Variants in CAND2 observed in about 807,000 individuals in gnomAD.
CAND2 encodes the protein cullin-associated NEDD8-dissociated protein 2.
Under a neutral mutation model 98.9 loss-of-function variants are expected in CAND2, and 62 were observed. That is an observed-to-expected ratio of 0.63 (90% confidence interval 0.51 to 0.77). The LOEUF is 0.77. Ranked by LOEUF, CAND2 falls within the 30% of genes least tolerant of loss-of-function variation. The pLI, the probability that CAND2 is intolerant of heterozygous loss-of-function variation, is 0.00. For synonymous variants in CAND2, 770 were observed against 731.9 expected (o/e 1.05, Z -0.84); for missense variants, 1,501 against 1,655.2 (o/e 0.91, Z 1.62).
In CAND2 at chr3:12,833,785, G is replaced by A; in HGVS notation, c.3514G>A (p.Glu1172Lys). 1 of 1,614,152 alleles carries A rather than the reference G, an allele frequency of 6.2e-7. No individual in the cohort carries two copies. Among genetic ancestry groups the A allele is most frequent in the South Asian group, 1.1e-5 (1 of 91,084 alleles). Residue 1172 changes from glutamate (E) to lysine (K), a missense_variant, in exon 15 of 15, where the codon GAA becomes AAA. Transcript: ENST00000456430. ...VKAGSVKQEF[E>K]KQDELKRSAM... ...AGCTGGTTCTGTGAAGCAGGAGTTTGAAAAGCAAGATGAACTGAAGCGCTC... is the reference window on the plus strand; with the variant it reads ...AGCTGGTTCTGTGAAGCAGGAGTTTAAAAAGCAAGATGAACTGAAGCGCTC...
At chr3:12,818,587 T>C (rs1559555070) in intron 10 of CAND2, among the ~76,000 whole-genome samples, 1 of 152,216 alleles carries the variant, frequency 6.6e-6, no homozygotes, top group Non-Finnish European at 1.5e-5. Context: ...ATCAGGCTCC[T>C]AGGAAAATGA....
Position 12,834,179 on chromosome 3 carries a change from G to A in CAND2, c.*197G>A. On this transcript the variant is annotated 3_prime_UTR_variant, in exon 15 of 15. Coordinates refer to ENST00000456430, the MANE Select transcript of CAND2 (RefSeq NM_001162499.2). Reference sequence around the variant, plus strand: ...GGCCCCCAGCCCAAGCTGTGAGGCTGCCAACAGTTGGGCCCCTTCCTTAAC... The same window carrying A: ...GGCCCCCAGCCCAAGCTGTGAGGCTACCAACAGTTGGGCCCCTTCCTTAAC... 1.7e-6 allele frequency: 1 copy of A among 594,334 alleles called. No individual in the cohort carries two copies. Among genetic ancestry groups the A allele is most frequent in the Non-Finnish European group, 3.0e-6 (1 of 334,082 alleles). The allele number at this position is 594,334 out of a possible 1,614,324, so 36.8% of individuals were successfully genotyped here.
At chr3:12,810,007 C>G (rs1361158348) in intron 4 of CAND2, 52 bp from the exon 5 acceptor site, 1 of 1,376,802 alleles carries the variant, frequency 7.3e-7, no homozygotes, top group Non-Finnish European at 9.4e-7. Context: ...CGGAGCCTGG[C>G]CCAGGTTGCC....
At chr3:12,821,480 G>A (rs1006247718) in intron 11 of CAND2, among the ~76,000 whole-genome samples, 1 of 152,206 alleles carries the variant, frequency 6.6e-6, no homozygotes. Context: ...GCCAGCAGAC[G>A]TGACCGTGTT....
chr3:12,812,221 C>CTGTTTTTTTTTTTT (rs2061857130), intron 5 of CAND2, among the ~76,000 whole-genome samples: 1 of 74,514 alleles, frequency 1.3e-5, no homozygotes, highest in Non-Finnish European at 2.5e-5. Flanking sequence ...AGCTGTTTAT[C>CTGTTTTTTTTTTTT]TTTTTTTTTT....
At position 12,815,989 on chromosome 3, in the gene CAND2, T is replaced by C. The variant is rs1237075046; in HGVS notation, c.1422T>C (p.His474=). ...TCCTCCCAGGCAGCCTGGCCGAGCA[T>C]ATGCCTGTGCTGGTATCAGGTAGGC... ...AGVLPGSLAE[H]MPVLVSGIIF... is the part of the protein sequence containing the mutation. The change falls in exon 9 of 15, where the codon CAT becomes CAC. Residue 474 remains histidine (H), a synonymous_variant. Coordinates refer to ENST00000456430, the MANE Select transcript of CAND2 (RefSeq NM_001162499.2). The surrounding 1 kb of genome is among the most constrained non-coding windows in gnomAD (Gnocchi z 5.7). 3.7e-6 allele frequency: 6 copies of C among 1,613,764 alleles called. No individual in the cohort carries two copies. Among genetic ancestry groups the C allele is most frequent in the Non-Finnish European group, 5.1e-6 (6 of 1,179,910 alleles).
chr3:12,820,969 C>G (rs1282092441), intron 11 of CAND2, among the ~76,000 whole-genome samples: 5 of 152,186 alleles, frequency 3.3e-5, no homozygotes, highest in Non-Finnish European at 7.3e-5. Context: ...TGCGGTGGCT[C>G]TCGCCTGTAA....
chr3:12,811,331 G>T (rs1253693161), intron 5 of CAND2, among the ~76,000 whole-genome samples: 1 of 152,172 alleles, frequency 6.6e-6, no homozygotes, highest in African/African-American at 2.4e-5. Flanking sequence ...CTCTAGGTCA[G>T]CATGTCTCTT....
chr3:12,808,846 G>A (rs565057822), intron 4 of CAND2, among the ~76,000 whole-genome samples: 7 of 152,296 alleles, frequency 4.6e-5, no homozygotes, highest in African/African-American at 1.7e-4. Flanking sequence ...CAGTCCAGAA[G>A]GCAGAGACAG....
rs748896696 is a variant in CAND2, at chr3:12,831,483, G to A, written c.3394G>A (p.Val1132Ile). The change falls in exon 14 of 15, where the codon GTT (valine) becomes ATT (isoleucine). Residue 1132 changes from valine to isoleucine, a missense_variant. By Grantham distance (29) the Val-to-Ile change is conservative. Coordinates refer to ENST00000456430, the MANE Select transcript of CAND2 (RefSeq NM_001162499.2). ...TGGGCAGATGCTGACCTTCATCATG[G>A]TTGCCCGGCTGGCCACCCTGTGTCC... ...YDIRMLTFIM[V>I]ARLATLCPAP... 6.2e-7 allele frequency: 1 copy of A among 1,614,044 alleles called. No homozygotes were observed. The highest frequency in any genetic ancestry group is 1.1e-5 in the South Asian group (1 of 91,050).
chr3:12,831,746 G>A (rs78652507), intron 14 of CAND2, among the ~76,000 whole-genome samples, 174 bp downstream of exon 14: 6,396 of 152,316 alleles, frequency 0.042, 212 homozygotes, highest in Non-Finnish European at 0.063. Context: ...TGTATACACA[G>A]GGGAACAGAG....
In CAND2 at chr3:12,827,556, G is replaced by A. The variant is rs2062014594; in HGVS notation, c.3327G>A (p.Glu1109=). Residue 1109 remains glutamate (E), a synonymous_variant, in exon 13 of 15, where the codon GAG becomes GAA. Coordinates refer to ENST00000456430, the MANE Select transcript of CAND2 (RefSeq NM_001162499.2). ...GCCTGGGCCAGCTGGATATCTGTGAGTTCCTGAACCATGTGGAGGACGGGC... is the reference window on the plus strand; with the variant it reads ...GCCTGGGCCAGCTGGATATCTGTGAATTCCTGAACCATGTGGAGGACGGGC... ...ESCLGQLDIC[E]FLNHVEDGLK... The A allele has an allele frequency of 6.2e-7, 1 of 1,613,914 alleles. No homozygotes were observed. Among genetic ancestry groups the A allele is most frequent in the Non-Finnish European group, 8.5e-7 (1 of 1,179,946 alleles).
intron 1 of CAND2, among the ~76,000 whole-genome samples, chr3:12,797,437 G>A (rs893641917): frequency 1.3e-4 from 19 of 151,918 alleles, no homozygotes; most frequent in Admixed American, 1.2e-3. Flanking sequence ...CCAGTCACAG[G>A]TAGGTGATGG....
At chr3:12,812,565 C>T (rs1048533462) in intron 5 of CAND2, among the ~76,000 whole-genome samples, 13 of 151,922 alleles carry the variant, frequency 8.6e-5, no homozygotes, top group Middle Eastern at 6.8e-3. Flanking sequence ...CCACCGCGCC[C>T]GGCTAATTTT....
chr3:12,812,219 A>ATTTTTTTTTTTTTTTTTTTTTTTT (rs1575768881), intron 5 of CAND2, among the ~76,000 whole-genome samples: 2 of 45,662 alleles, frequency 4.4e-5, no homozygotes, highest in Admixed American at 1.7e-4. Context: ...TAAGCTGTTT[A>ATTTTTTTTTTTTTTTTTTTTTTTT]TCTTTTTTTT....
chr3:12,797,943 G>A (rs988126882), intron 1 of CAND2, among the ~76,000 whole-genome samples: 1 of 151,708 alleles, frequency 6.6e-6, no homozygotes, highest in Admixed American at 6.6e-5. Flanking sequence ...CCCCTCAAGA[G>A]CCCCCCCACA....
intron 10 of CAND2, among the ~76,000 whole-genome samples, chr3:12,819,163 C>T (rs974102207): frequency 3.3e-5 from 5 of 152,258 alleles, no homozygotes; most frequent in African/African-American, 1.2e-4. Flanking sequence ...ATCTTACTCT[C>T]TTGTGCCTGT....
rs1008533077 is a variant in CAND2, at chr3:12,810,127, C to T, written c.560C>T (p.Pro187Leu). ...LHCLLPQLSS[P>L]RLAVRKRAVG... ...TGTCTGCTGCCACAGCTGAGCAGCC[C>T]GCGCCTGGCGGTGCGCAAGCGGGCG... is the stretch of plus-strand genomic sequence containing the variant. The change falls in exon 5 of 15, where the codon CCG (proline) becomes CTG (leucine). Residue 187 changes from proline (P) to leucine (L), a missense_variant. Transcript: ENST00000456430. 4.6e-6 allele frequency: 7 copies of T among 1,520,898 alleles called. No individual in the cohort carries two copies. Among genetic ancestry groups the T allele is most frequent in the Non-Finnish European group, 5.3e-6 (6 of 1,139,948 alleles). 94.2% of individuals were successfully genotyped at this position (1,520,898 alleles called of 1,614,324 possible). A position where few individuals can be genotyped will look rare whatever the true frequency, so the allele number is the denominator to read the frequency against.
rs749535500 is a variant in CAND2 at position 12,796,825 on chromosome 3, C to T, written c.68+37C>T. The T allele has an allele frequency of 7.2e-6, 11 of 1,535,320 alleles. No individual in the cohort carries two copies. The South Asian group carries it at 1.1e-4, about 15-fold the overall frequency. ...CGCCGGCCCCCTTCTCTCCTTCCCG[C>T]TCTGAAGCCGGGGGCCTTCTTCCCC... is the stretch of plus-strand genomic sequence containing the variant. On this transcript the variant is annotated intron_variant, in intron 1 of 14. Transcript: ENST00000456430.
Sources: allele counts gnomAD v4.1 joint callset (sites outside exome capture counted in the v4.1 genomes callset), GRCh38; gene constraint gnomAD v4.1.1; non-coding constraint Gnocchi (gnomAD v3.1); transcripts MANE v1.5; gene names NCBI Gene and HGNC (gene_info 2026-07-23, HGNC 2026-07-21).